Variants in RBM26 observed in about 807,000 individuals in gnomAD.
RBM26 encodes the protein RNA binding motif protein 26, also known as RNA-binding protein 26.
A neutral mutation model predicts 123.6 loss-of-function variants in RBM26; 30 were observed. The observed-to-expected ratio is 0.24, with a 90% CI of 0.18 to 0.33. The LOEUF is 0.33. RBM26 is among the 10% of genes least tolerant of loss of function. RBM26 has a pLI of 1.00. For missense variants in RBM26, 947 were observed against 1,203.6 expected, an observed-to-expected ratio of 0.79 and a Z score of 3.15; for synonymous variants, 400 against 404.4, an observed-to-expected ratio of 0.99 and a Z score of 0.13.
At chr13:79,394,034 G>A (rs117102228) in intron 1 of RBM26, among the ~76,000 whole-genome samples, 4,987 of 152,222 alleles carry the variant, frequency 0.033, 123 homozygotes, top group Middle Eastern at 0.078. Context: ...TTATTTGTGC[G>A]CCTGCGGCTT....
At chr13:79,322,225 C>T in intron 21 of RBM26, 124 bp downstream of exon 21, 2 of 540,482 alleles carry the variant, frequency 3.7e-6, no homozygotes, top group African/African-American at 4.0e-5. Flanking sequence ...TATCTGATAT[C>T]CCCTGCCTGG....
At position 79,368,607 on chromosome 13, in the gene RBM26, G is replaced by A. The variant is rs2075576002; in HGVS notation, c.895+123C>T. 8.1e-6 allele frequency: 7 copies of A among 861,782 alleles called. No individual in the cohort carries two copies. The South Asian group carries it at 1.3e-4, about 16-fold the overall frequency. 53.4% of individuals were successfully genotyped at this position (861,782 alleles called of 1,614,324 possible). A position where few individuals can be genotyped will look rare whatever the true frequency, so the allele number is the denominator to read the frequency against. ...AATCATATTGAGGAATTCAAAAAGT[G>A]ACTAAGGCTAATTTCCCACTTTTCA... is the stretch of plus-strand genomic sequence containing the variant. On this transcript the variant is annotated intron_variant, in intron 6 of 21. Transcript: ENST00000438737.
At chr13:79,323,641 TAAAA>T (rs930936359) in intron 20 of RBM26, among the ~76,000 whole-genome samples, 29 of 151,672 alleles carry the variant, frequency 1.9e-4, no homozygotes, top group African/African-American at 7.0e-4. Context: ...AAAATTCACC[TAAAA>T]AGCAAAAGAG....
At chr13:79,339,292 T>C (rs1566354398) in intron 18 of RBM26, among the ~76,000 whole-genome samples, 3 of 152,248 alleles carry the variant, frequency 2.0e-5, no homozygotes, top group Non-Finnish European at 4.4e-5. Context: ...TTGGTCAAAG[T>C]GTACAATGTT....
At chr13:79,374,934 G>A (rs763004410) in intron 3 of RBM26, among the ~76,000 whole-genome samples, 8 of 150,626 alleles carry the variant, frequency 5.3e-5, no homozygotes, top group Non-Finnish European at 1.0e-4. Context: ...CTACTAACTC[G>A]ATTTAGGGGA....
chr13:79,346,356 T>A (rs146373218), intron 14 of RBM26, among the ~76,000 whole-genome samples: 1 of 152,178 alleles, frequency 6.6e-6, no homozygotes, highest in Non-Finnish European at 1.5e-5. Context: ...TTCTTAACAA[T>A]ATTTGATGTG....
chr13:79,318,254 T>TA (rs565772303), downstream of RBM26, among the ~76,000 whole-genome samples: 53,557 of 144,870 alleles, frequency 0.37, 11,053 homozygotes, highest in Middle Eastern at 0.51. Context: ...AACGTAGAGT[T>TA]AAAAAAAAAA....
At chr13:79,395,877 A>T (rs1313301319) in intron 1 of RBM26, among the ~76,000 whole-genome samples, 1 of 152,206 alleles carries the variant, frequency 6.6e-6, no homozygotes, top group Non-Finnish European at 1.5e-5. Flanking sequence ...CAAGGAACTA[A>T]ATATAAAGTC....
chr13:79,395,235 T>A (rs187895667), intron 1 of RBM26, among the ~76,000 whole-genome samples: 33 of 152,326 alleles, frequency 2.2e-4, no homozygotes, highest in African/African-American at 7.5e-4. Context: ...ACTCAGAGAC[T>A]GTCCAGATAA....
At chr13:79,396,225 T>C (rs2078548046) in intron 1 of RBM26, among the ~76,000 whole-genome samples, 1 of 39,250 alleles carries the variant, frequency 2.5e-5, no homozygotes, top group Non-Finnish European at 5.2e-5. Flanking sequence ...ACCAACGACC[T>C]AGGTTCCACT....
chr13:79,337,366 A>T (rs2070626749), intron 18 of RBM26, 64 bp from the exon 19 acceptor site: 1 of 1,551,064 alleles, frequency 6.4e-7, no homozygotes, highest in African/African-American at 1.4e-5. Flanking sequence ...CAAGCATTAC[A>T]CTCTGGCAGA....
At chr13:79,356,620 AT>A (rs1455862211) in intron 11 of RBM26, among the ~76,000 whole-genome samples, 1 of 152,152 alleles carries the variant, frequency 6.6e-6, no homozygotes, top group Non-Finnish European at 1.5e-5. Flanking sequence ...TATAAAGATA[AT>A]TTTGGTAACA....
Position 79,319,135 on chromosome 13 carries a change from A to AG in RBM26, c.*1485dup, listed in dbSNP as rs1360413736. ...AATACACACAACTTCAACCCCAATT[A>AG]GGGGTGTATGGGGAAGAAGAAAAAG... On this transcript the variant is annotated 3_prime_UTR_variant, in exon 22 of 22. Transcript: ENST00000438737. 2 of 984,300 alleles carry AG rather than the reference A, an allele frequency of 2.0e-6. No homozygotes were observed. Among genetic ancestry groups the AG allele is most frequent in the Non-Finnish European group, 2.4e-6 (2 of 829,198 alleles). The allele number at this position is 984,300 out of a possible 1,614,324, so 61.0% of individuals were successfully genotyped here. A position where few individuals can be genotyped will look rare whatever the true frequency, so the allele number is the denominator to read the frequency against.
At chr13:79,350,586 G>A (rs190770838) in intron 14 of RBM26, among the ~76,000 whole-genome samples, 1 of 152,230 alleles carries the variant, frequency 6.6e-6, no homozygotes, top group East Asian at 1.9e-4. Context: ...CGAAAATGGG[G>A]TCTCAGGATA....
intron 20 of RBM26, among the ~76,000 whole-genome samples, chr13:79,329,837 G>C (rs1367211031): frequency 6.6e-6 from 1 of 152,110 alleles, no homozygotes. Context: ...TTTTAGGTGT[G>C]ATAGTAGTAC....
chr13:79,404,374 C>T (rs1191957400), intron 1 of RBM26, among the ~76,000 whole-genome samples: 1 of 152,214 alleles, frequency 6.6e-6, no homozygotes, highest in Non-Finnish European at 1.5e-5. Flanking sequence ...AAACTAGCCA[C>T]ATCTCTGCCT....
chr13:79,378,877 T>C lies in RBM26; in HGVS notation c.102A>G (p.Lys34=). 6.2e-7 allele frequency: 1 copy of C among 1,613,528 alleles called. No homozygotes were observed. Among genetic ancestry groups the C allele is most frequent in the African/African-American group, 1.3e-5 (1 of 75,032 alleles). The change falls in exon 2 of 22, where the codon AAA becomes AAG. Residue 34 remains lysine (K), a synonymous_variant. Coordinates refer to ENST00000438737, the MANE Select transcript of RBM26 (RefSeq NM_001366735.2). ...ICDADPSALA[K]YVLALVKKDK... is the part of the protein sequence containing the mutation. ...CTTTCTTTACCAAAGCCAGAACATA[T>C]TTTGCTAGGGCGGATGGATCTGCAT...
In RBM26 at chr13:79,319,634, T is replaced by C; in HGVS notation, c.*987A>G. On this transcript the variant is annotated 3_prime_UTR_variant, in exon 22 of 22. Transcript: ENST00000438737. ...TTCATACATCCAAAATGTAATGTGA[T>C]GTTTTCTTATTCACCAAATGTTAGC... The C allele has an allele frequency of 6.1e-6, 6 of 984,406 alleles. No individual in the cohort carries two copies. Among genetic ancestry groups the C allele is most frequent in the Non-Finnish European group, 7.2e-6 (6 of 829,198 alleles). The allele number at this position is 984,406 out of a possible 1,614,324, so 61.0% of individuals were successfully genotyped here. A position where few individuals can be genotyped will look rare whatever the true frequency, so the allele number is the denominator to read the frequency against.
chr13:79,400,890 T>G (rs1305412849), intron 1 of RBM26, among the ~76,000 whole-genome samples: 1 of 152,226 alleles, frequency 6.6e-6, no homozygotes, highest in Non-Finnish European at 1.5e-5. Context: ...AGTAAATGGC[T>G]GAGGGCAAAT....
Sources: allele counts gnomAD v4.1 joint callset (sites outside exome capture counted in the v4.1 genomes callset), GRCh38; gene constraint gnomAD v4.1.1; transcripts MANE v1.5; gene names NCBI Gene and HGNC (gene_info 2026-07-23, HGNC 2026-07-21).